BLOC1S6: variants seen among roughly 807,000 people sequenced by gnomAD.
The protein encoded by BLOC1S6 is biogenesis of lysosomal organelles complex 1 subunit 6, also known as biogenesis of lysosome-related organelles complex 1 subunit 6.
Under a neutral mutation model 24.7 loss-of-function variants are expected in BLOC1S6, and 24 were observed. That is an observed-to-expected ratio of 0.97 (90% CI 0.70 to 1.37). The LOEUF (loss-of-function observed/expected upper bound fraction) is 1.37. Among genes scored for constraint, BLOC1S6 ranks in the 40% most tolerant of loss-of-function variants. The pLI is 0.00. For synonymous variants in BLOC1S6, 76 were observed against 72.6 expected (o/e 1.05, Z -0.23); for missense variants, 175 against 196.2 (o/e 0.89, Z 0.64).
chr15:45,603,897 C>T lies in BLOC1S6; in HGVS notation c.312+710C>T, dbSNP rs1006390620. Among the ~76,000 whole-genome samples, 7 of 151,886 alleles carry T rather than the reference C, an allele frequency of 4.6e-5. No individual in the cohort carries two copies. In the Middle Eastern group the frequency reaches 0.014, roughly 295 times the overall value. On this transcript the variant is annotated intron_variant, in intron 3 of 4. Transcript: ENST00000220531. ...AATTAATGCTATAGGCTGAAGTGGA[C>T]GCTTTGAGAATGATCAGTTATATCT... is the stretch of plus-strand genomic sequence containing the variant.
At chr15:45,587,942 C>A (rs1893744459) in intron 1 of BLOC1S6, 2 of 591,742 alleles carry the variant, frequency 3.4e-6, no homozygotes, top group African/African-American at 1.9e-5. Context: ...TTACTTCATC[C>A]CTATTCCTGC....
intron 3 of BLOC1S6, 70 bp downstream of exon 3, chr15:45,603,257 A>G (rs1433302937): frequency 2.1e-6 from 2 of 954,878 alleles, no homozygotes; most frequent in South Asian, 1.4e-5. Context: ...TAGCTAAGCA[A>G]TAGCTAAGAT....
chr15:45,589,189 C>T (rs544810094), intron 1 of BLOC1S6, among the ~76,000 whole-genome samples: 5 of 152,210 alleles, frequency 3.3e-5, no homozygotes, highest in Admixed American at 3.3e-4. Flanking sequence ...TGTAGTAGAT[C>T]CCTATATGTT....
At chr15:45,601,261 A>T (rs1470399644) in intron 2 of BLOC1S6, 1 of 154,422 alleles carries the variant, frequency 6.5e-6, no homozygotes, top group Non-Finnish European at 1.5e-5. Flanking sequence ...GTACGTGCCT[A>T]AAACTGAAGA....
In BLOC1S6 at chr15:45,606,473, A is replaced by T; in HGVS notation, c.478A>T (p.Arg160Ter). 6.2e-7 allele frequency: 1 copy of T among 1,614,186 alleles called. No individual in the cohort carries two copies. Residue 160 changes from arginine (R) to a stop codon, truncating the protein, a stop_gained, in exon 5 of 5, where the codon AGA becomes TGA. Coordinates refer to ENST00000220531, the MANE Select transcript of BLOC1S6 (RefSeq NM_012388.4). LOFTEE classifies it high-confidence loss of function. ...GCAGCAACGAGAGAAGGAGTTTGAA[A>T]GAGAAAAGCAGTTAACTGCCAGACC... ...REQQREKEFE[R>*]EKQLTARPAK...
At chr15:45,592,628 A>G (rs1893927068) in intron 2 of BLOC1S6, among the ~76,000 whole-genome samples, 6 of 152,218 alleles carry the variant, frequency 3.9e-5, no homozygotes. Context: ...AATTGCCTCC[A>G]TAAAAGTCAC....
chr15:45,606,303 T>A, intron 4 of BLOC1S6, 92 bp from the exon 5 acceptor site: 1 of 1,509,692 alleles, frequency 6.6e-7, no homozygotes. Flanking sequence ...GTGAATGAAT[T>A]ACCTCAAAGC....
Position 45,607,535 on chromosome 15 carries a change from G to A in BLOC1S6, c.*1021G>A, listed in dbSNP as rs553794162. The A allele has an allele frequency of 2.0e-5, 3 of 152,368 alleles. No homozygotes were observed. The South Asian group carries it at 6.2e-4, about 32-fold the overall frequency. The allele number at this position is 152,368 out of a possible 1,614,324, so 9.4% of individuals were successfully genotyped here. A position where few individuals can be genotyped will look rare whatever the true frequency, so the allele number is the denominator to read the frequency against. ...CATGCCTGTAATCCCAACGCTTTGG[G>A]ACGCCGAGGCGGGTGGATCATGAGG... On this transcript the variant is annotated 3_prime_UTR_variant, in exon 5 of 5. Coordinates refer to ENST00000220531, the MANE Select transcript of BLOC1S6 (RefSeq NM_012388.4).
Position 45,592,337 on chromosome 15 carries a change from T to G in BLOC1S6, c.224+61T>G, listed in dbSNP as rs369780213. On this transcript the variant is annotated intron_variant, in intron 2 of 4. Transcript: ENST00000220531. ...CTCTGTGGCATAGTCACAATTTGTATAATTGTATACTGTGTTAAGACATAA... is the reference window on the plus strand; with the variant it reads ...CTCTGTGGCATAGTCACAATTTGTAGAATTGTATACTGTGTTAAGACATAA... 42 of 1,562,072 alleles carry G rather than the reference T, an allele frequency of 2.7e-5. No homozygotes were observed. In the East Asian group the frequency reaches 6.5e-4, roughly 24 times the overall value.
chr15:45,600,254 T>C (rs974691825), intron 2 of BLOC1S6, among the ~76,000 whole-genome samples: 3 of 150,148 alleles, frequency 2.0e-5, no homozygotes, highest in Non-Finnish European at 4.4e-5. Flanking sequence ...GTGGGTGCAG[T>C]GCACCAGCAT....
chr15:45,603,614 T>G (rs1398692424), intron 3 of BLOC1S6, among the ~76,000 whole-genome samples: 2 of 152,034 alleles, frequency 1.3e-5, no homozygotes, highest in Non-Finnish European at 2.9e-5. Flanking sequence ...TTCCAGAAAC[T>G]GAGGTGGAAG....
At chr15:45,603,213 T>G in intron 3 of BLOC1S6, 26 bp downstream of exon 3, 1 of 1,445,788 alleles carries the variant, frequency 6.9e-7, no homozygotes, top group Non-Finnish European at 9.7e-7. Context: ...TTGATGTAAT[T>G]TAATGACATC....
intron 2 of BLOC1S6, among the ~76,000 whole-genome samples, chr15:45,601,756 C>T (rs188096273): frequency 3.0e-4 from 45 of 152,162 alleles, no homozygotes; most frequent in Admixed American, 1.3e-3. Context: ...CTAGTTCTAA[C>T]AGCCTATTTT....
intron 2 of BLOC1S6, among the ~76,000 whole-genome samples, chr15:45,595,233 G>A (rs1008205947): frequency 1.3e-5 from 2 of 152,142 alleles, no homozygotes; most frequent in South Asian, 2.1e-4. Flanking sequence ...TTATTTAGAA[G>A]TTCTTTCTTT....
At chr15:45,591,207 TAACA>T (rs945977825) in intron 1 of BLOC1S6, among the ~76,000 whole-genome samples, 1 of 152,326 alleles carries the variant, frequency 6.6e-6, no homozygotes, top group Non-Finnish European at 1.5e-5. Context: ...TTCTCCTCCC[TAACA>T]AATAACACAA....
Position 45,596,562 on chromosome 15 carries a change from T to A in BLOC1S6, c.224+4286T>A, listed in dbSNP as rs189215482. Among the ~76,000 whole-genome samples the A allele has an allele frequency of 5.9e-5, 9 of 152,288 alleles. No homozygotes were observed. In the East Asian group the frequency reaches 1.5e-3, roughly 26 times the overall value. On this transcript the variant is annotated intron_variant, in intron 2 of 4. Transcript: ENST00000220531. ...CCTTTGCACCTTTGTCAAAGAGAAG[T>A]TTATTGTTTTTGTGTAGGTTTATTT...
At position 45,607,290 on chromosome 15, in the gene BLOC1S6, T is replaced by C. The variant is rs1470703193; in HGVS notation, c.*776T>C. 6.6e-6 allele frequency: 1 copy of C among 152,224 alleles called. No individual in the cohort carries two copies. The highest frequency in any genetic ancestry group is 1.9e-4 in the East Asian group (1 of 5,204). The allele number at this position is 152,224 out of a possible 1,614,324, so 9.4% of individuals were successfully genotyped here. A position where few individuals can be genotyped will look rare whatever the true frequency, so the allele number is the denominator to read the frequency against. On this transcript the variant is annotated 3_prime_UTR_variant, in exon 5 of 5. Transcript: ENST00000220531. ...ATAGTTTCTACTAACCATATACTCT[T>C]TCTGCTTCTTAGCGTCGTTGTCACT... is the stretch of plus-strand genomic sequence containing the variant.
intron 3 of BLOC1S6, among the ~76,000 whole-genome samples, chr15:45,604,172 C>T (rs1048593424): frequency 6.6e-6 from 1 of 152,094 alleles, no homozygotes; most frequent in South Asian, 2.1e-4. Context: ...AGTTTAAGAC[C>T]AACCTGGCCA....
In BLOC1S6 at chr15:45,608,931, T is replaced by G. The variant is rs948098050; in HGVS notation, c.*2417T>G. ...AACCCCAGTAGACAGGCAATAGATA[T>G]AGAATTCTGGTTAGCTAATTGAACT... On this transcript the variant is annotated 3_prime_UTR_variant, in exon 5 of 5. Coordinates refer to ENST00000220531, the MANE Select transcript of BLOC1S6 (RefSeq NM_012388.4). 2.0e-5 allele frequency: 3 copies of G among 152,210 alleles called. No individual in the cohort carries two copies. The highest frequency in any genetic ancestry group is 4.4e-5 in the Non-Finnish European group (3 of 68,040). The allele number at this position is 152,210 out of a possible 1,614,324, so 9.4% of individuals were successfully genotyped here.
Sources: gnomAD v4.1 joint callset for allele counts (sites outside exome capture counted in the v4.1 genomes callset) on GRCh38, gnomAD v4.1.1 for gene constraint, MANE v1.5 for transcripts, NCBI Gene and HGNC (gene_info 2026-07-23, HGNC 2026-07-21) for gene names.